The following LRBA variants were observed in gnomAD, a reference collection of about 807,000 sequenced individuals.
LRBA encodes LPS responsive beige-like anchor protein, also known as lipopolysaccharide-responsive and beige-like anchor protein.
Under a neutral mutation model 330.0 loss-of-function variants are expected in LRBA, and 176 were observed. That is an observed-to-expected ratio of 0.53 (90% CI 0.47 to 0.60). LRBA has a LOEUF of 0.60. Ranked by LOEUF, LRBA falls within the 20% of genes least tolerant of loss-of-function variation. LRBA has a pLI of 0.00. For synonymous variants in LRBA, 1,230 were observed against 1,193.0 expected, an observed-to-expected ratio of 1.03 and a Z score of -0.64; for missense variants, 3,259 against 3,444.8, an observed-to-expected ratio of 0.95 and a Z score of 1.35.
chr4:150,835,321 G>C (rs1445996412), intron 28 of LRBA, among the ~76,000 whole-genome samples: 1 of 152,166 alleles, frequency 6.6e-6, no homozygotes, highest in Non-Finnish European at 1.5e-5. Context: ...CTTTAAAGTA[G>C]TTTTATCCAA....
intron 53 of LRBA, among the ~76,000 whole-genome samples, chr4:150,296,559 A>T (rs1347134395): frequency 6.6e-6 from 1 of 152,220 alleles, no homozygotes; most frequent in East Asian, 1.9e-4. Flanking sequence ...ATCAATTTTT[A>T]AAAATTTGTT....
intron 4 of LRBA, among the ~76,000 whole-genome samples, chr4:150,927,572 A>G (rs1579228892): frequency 6.6e-6 from 1 of 152,218 alleles, no homozygotes; most frequent in East Asian, 1.9e-4. Flanking sequence ...GAGGTCTAAT[A>G]TATCTGTAAT....
At chr4:150,694,921 T>C (rs1375334315) in intron 36 of LRBA, among the ~76,000 whole-genome samples, 1 of 152,240 alleles carries the variant, frequency 6.6e-6, no homozygotes, top group Non-Finnish European at 1.5e-5. Flanking sequence ...TGCTTTTTTT[T>C]TCTGTGAACT....
intron 2 of LRBA, among the ~76,000 whole-genome samples, chr4:150,967,445 C>A (rs1489786294): frequency 3.9e-5 from 6 of 152,204 alleles, no homozygotes; most frequent in African/African-American, 1.2e-4. Context: ...TTAGCTCTAG[C>A]CCCACTTCTA....
intron 28 of LRBA, among the ~76,000 whole-genome samples, chr4:150,838,813 C>T (rs1367958357): frequency 6.6e-6 from 1 of 152,196 alleles, no homozygotes; most frequent in African/African-American, 2.4e-5. Context: ...ATTCTCTGTA[C>T]AGCTTTGTTC....
At chr4:150,723,989 A>G (rs892813742) in intron 36 of LRBA, among the ~76,000 whole-genome samples, 1 of 152,182 alleles carries the variant, frequency 6.6e-6, no homozygotes, top group African/African-American at 2.4e-5. Flanking sequence ...TGGAAAGTGA[A>G]GAGTAGGAAA....
At chr4:150,504,939 A>C (rs1317772162) in intron 40 of LRBA, among the ~76,000 whole-genome samples, 1 of 152,212 alleles carries the variant, frequency 6.6e-6, no homozygotes, top group Non-Finnish European at 1.5e-5. Flanking sequence ...GTCTCTGAGA[A>C]AACAGACTTT....
intron 17 of LRBA, among the ~76,000 whole-genome samples, chr4:150,888,379 CTCT>C (rs2127078606): frequency 6.6e-6 from 1 of 152,216 alleles, no homozygotes; most frequent in African/African-American, 2.4e-5. Flanking sequence ...ACTTTTTTCT[CTCT>C]TCAATTCTTT....
At chr4:150,486,749 CCTAA>C (rs1218687711) in intron 42 of LRBA, among the ~76,000 whole-genome samples, 2 of 151,686 alleles carry the variant, frequency 1.3e-5, no homozygotes, top group Non-Finnish European at 1.5e-5. Flanking sequence ...AACTATTCCT[CCTAA>C]CTAAAATTTT....
chr4:150,663,324 G>C (rs1210574315), intron 37 of LRBA, among the ~76,000 whole-genome samples: 1 of 151,902 alleles, frequency 6.6e-6, no homozygotes, highest in Non-Finnish European at 1.5e-5. Flanking sequence ...GTCTACAGAA[G>C]ACCAGGCTCA....
chr4:150,422,686 A>T (rs1288466220), intron 46 of LRBA: 1 of 699,102 alleles, frequency 1.4e-6, no homozygotes, highest in Non-Finnish European at 2.6e-6. Context: ...AACAACTGAG[A>T]CTGGCACTGT....
intron 2 of LRBA, among the ~76,000 whole-genome samples, chr4:150,981,962 C>CAAAAAA (rs57550785): frequency 1.6e-5 from 1 of 63,948 alleles, no homozygotes; most frequent in Non-Finnish European, 3.7e-5. Context: ...GACTCCATCT[C>CAAAAAA]AAAAAAAAAA....
chr4:150,912,021 T>C (rs889626692), intron 9 of LRBA, among the ~76,000 whole-genome samples: 2 of 152,218 alleles, frequency 1.3e-5, no homozygotes, highest in African/African-American at 4.8e-5. Flanking sequence ...TCTATTTCTG[T>C]GGCAAGTTAT....
At position 150,669,182 on chromosome 4, in the gene LRBA, C is replaced by T. The variant is rs75357568; in HGVS notation, c.5921+14369G>A. Among the ~76,000 whole-genome samples, 14 of 152,212 alleles carry T rather than the reference C, an allele frequency of 9.2e-5. No homozygotes were observed. The East Asian group carries it at 2.7e-3, about 29-fold the overall frequency. On this transcript the variant is annotated intron_variant, in intron 37 of 56. Coordinates refer to ENST00000651943, the MANE Select transcript of LRBA (RefSeq NM_001364905.1). ...TGAGACTAATAGTTTCATGCATATG[C>T]AATAATAATAGCTATTAATTTTTAA... is the stretch of plus-strand genomic sequence containing the variant.
rs1410121457 is a variant in LRBA, at chr4:150,963,859, CG to C, written c.217-34795del. ...GTCATCCCGTCTAGGAAGTGAGGAGCGTCTCTGCCTGGCCGCCCATCATCTG... is the reference window on the plus strand; with the variant it reads ...GTCATCCCGTCTAGGAAGTGAGGAGCTCTCTGCCTGGCCGCCCATCATCTG... On this transcript the variant is annotated intron_variant, in intron 2 of 56. Transcript: ENST00000651943. Among the ~76,000 whole-genome samples the C allele has an allele frequency of 2.0e-5, 3 of 147,844 alleles. No individual in the cohort carries two copies. The East Asian group carries it at 5.9e-4, about 29-fold the overall frequency.
At chr4:150,584,340 T>A in intron 40 of LRBA, 1 of 415,726 alleles carries the variant, frequency 2.4e-6, no homozygotes, top group Non-Finnish European at 4.3e-6. Context: ...AATGTGAATT[T>A]AAAAGGTCAC....
intron 40 of LRBA, among the ~76,000 whole-genome samples, chr4:150,559,178 T>C (rs1265723153): frequency 6.6e-6 from 1 of 152,148 alleles, no homozygotes; most frequent in African/African-American, 2.4e-5. Flanking sequence ...AAATTGGCAA[T>C]GTCAAGAAAG....
chr4:150,772,293 T>C (rs1450575857), intron 34 of LRBA, among the ~76,000 whole-genome samples: 1 of 152,174 alleles, frequency 6.6e-6, no homozygotes, highest in Non-Finnish European at 1.5e-5. Flanking sequence ...GGCCCAAGTC[T>C]TCTCCTCTGG....
At chr4:150,777,762 G>A (rs1342625251) in intron 34 of LRBA, among the ~76,000 whole-genome samples, 3 of 151,862 alleles carry the variant, frequency 2.0e-5, no homozygotes, top group Non-Finnish European at 2.9e-5. Flanking sequence ...GGAGGATCAC[G>A]AGGTCAAGAA....
Sources: allele counts gnomAD v4.1 joint callset (sites outside exome capture counted in the v4.1 genomes callset), GRCh38; gene constraint gnomAD v4.1.1; transcripts MANE v1.5; gene names NCBI Gene and HGNC (gene_info 2026-07-23, HGNC 2026-07-21).